The following AGBL4 variants were observed in gnomAD, a reference collection of about 807,000 sequenced individuals.
AGBL4 encodes the protein AGBL carboxypeptidase 4, also known as cytosolic carboxypeptidase 6.
A neutral mutation model predicts 66.4 loss-of-function variants in AGBL4; 58 were observed. The observed-to-expected ratio is 0.87, with a 90% CI of 0.71 to 1.09. The LOEUF (loss-of-function observed/expected upper bound fraction) is 1.09. AGBL4 is among the 50% of genes least tolerant of loss of function. The pLI, the probability that AGBL4 is intolerant of heterozygous loss-of-function variation, is 0.00. For synonymous variants in AGBL4, 234 were observed against 222.9 expected (o/e 1.05, Z -0.44); for missense variants, 579 against 631.0 (o/e 0.92, Z 0.88).
intron 1 of AGBL4, among the ~76,000 whole-genome samples, chr1:49,865,512 G>A (rs1400047346): frequency 6.6e-6 from 1 of 152,142 alleles, no homozygotes; most frequent in Non-Finnish European, 1.5e-5. Flanking sequence ...CCCTATGGGA[G>A]AGGAGCCTGA....
Position 48,579,774 on chromosome 1 carries a change from C to T in AGBL4, c.1267+7230G>A, listed in dbSNP as rs566242552. On this transcript the variant is annotated intron_variant, in intron 11 of 13. Coordinates refer to ENST00000371839, the MANE Select transcript of AGBL4 (RefSeq NM_032785.4). ...AAATACAAAAAAAAAAAAAATTAGC[C>T]GGGCACGGTGGCGGGCGCCTGTAGT... is the stretch of plus-strand genomic sequence containing the variant. 7.0e-4 allele frequency among the ~76,000 whole-genome samples: 106 copies of T among 150,460 alleles called. 1 individual carries two copies. The highest frequency in any genetic ancestry group is 2.4e-3 in the African/African-American group (99 of 41,154).
intron 4 of AGBL4, among the ~76,000 whole-genome samples, chr1:49,155,712 T>C (rs1033097129): frequency 1.5e-4 from 23 of 152,058 alleles, no homozygotes; most frequent in African/African-American, 4.6e-4. Context: ...TAAACAGATA[T>C]CTAATAACAA....
intron 11 of AGBL4, among the ~76,000 whole-genome samples, chr1:48,554,045 A>C (rs1440405918): frequency 6.6e-6 from 1 of 152,240 alleles, no homozygotes; most frequent in Admixed American, 6.5e-5. Flanking sequence ...TGCAAAACTC[A>C]GCTGAAGTCT....
At chr1:49,703,547 CA>C (rs1310938057) in intron 2 of AGBL4, among the ~76,000 whole-genome samples, 2 of 150,744 alleles carry the variant, frequency 1.3e-5, no homozygotes, top group African/African-American at 4.9e-5. Context: ...ACACTTCCAT[CA>C]AACTTCAACT....
chr1:49,054,008 G>T (rs957778255), intron 4 of AGBL4, among the ~76,000 whole-genome samples: 1 of 152,058 alleles, frequency 6.6e-6, no homozygotes, highest in African/African-American at 2.4e-5. Context: ...AAGCATAGAA[G>T]AAATATGATT....
chr1:48,787,774 T>G (rs1645443128), intron 6 of AGBL4, among the ~76,000 whole-genome samples: 1 of 152,196 alleles, frequency 6.6e-6, no homozygotes, highest in African/African-American at 2.4e-5. Flanking sequence ...GGCATTTTTT[T>G]GCTAACGTAA....
chr1:49,090,875 G>C (rs1036543848), intron 4 of AGBL4, among the ~76,000 whole-genome samples: 1 of 152,076 alleles, frequency 6.6e-6, no homozygotes, highest in Non-Finnish European at 1.5e-5. Flanking sequence ...GCATGGTACT[G>C]GTATAAAAAT....
chr1:48,752,870 CTCCTGAGTA>C (rs549726495), intron 6 of AGBL4, among the ~76,000 whole-genome samples: 330 of 152,242 alleles, frequency 2.2e-3, no homozygotes, highest in African/African-American at 7.9e-3. Context: ...CTGCCTCAGC[CTCCTGAGTA>C]GCTGGGACTA....
Position 49,516,990 on chromosome 1 carries a change from C to T in AGBL4, c.282+180323G>A, listed in dbSNP as rs181809105. Among the ~76,000 whole-genome samples, 28 of 152,050 alleles carry T rather than the reference C, an allele frequency of 1.8e-4. 1 individual carries two copies. Among genetic ancestry groups the T allele is most frequent in the Admixed American group, 2.0e-4 (3 of 15,246 alleles). Reference sequence around the variant, plus strand: ...TTAAATATAATAGGCCATACTTCAACAGATTCCGTTTACATTATTCCTATA... The same window carrying T: ...TTAAATATAATAGGCCATACTTCAATAGATTCCGTTTACATTATTCCTATA... On this transcript the variant is annotated intron_variant, in intron 3 of 13. Transcript: ENST00000371839.
rs796599089 is a variant in AGBL4, at chr1:48,736,108, TC to T, written c.635-72868del. The T allele has an allele frequency of 2.7e-5, 27 of 991,852 alleles. No homozygotes were observed. The African/African-American group carries it at 3.9e-4, about 14-fold the overall frequency. The allele number at this position is 991,852 out of a possible 1,614,324, so 61.4% of individuals were successfully genotyped here. On this transcript the variant is annotated intron_variant, in intron 6 of 13. Transcript: ENST00000371839. This position sits in a 1 kb window ranked among gnomAD's most constrained non-coding sequence, Gnocchi z 4.0. ...GGGCATTTGGGTTATCCGCTTGGTG[TC>T]CCCGGGCTCAGCCCAGGGTCTGGCA...
At chr1:50,004,983 T>C (rs1374182679) in intron 1 of AGBL4, among the ~76,000 whole-genome samples, 2 of 152,022 alleles carry the variant, frequency 1.3e-5, no homozygotes, top group African/African-American at 2.4e-5. Context: ...TCCAGGAATG[T>C]AGAGCACAAG....
chr1:49,380,052 A>C (rs2148571363), intron 3 of AGBL4, among the ~76,000 whole-genome samples: 1 of 152,284 alleles, frequency 6.6e-6, no homozygotes, highest in East Asian at 1.9e-4. Context: ...GAAAAGAGGA[A>C]GTCAAGTTGT....
intron 3 of AGBL4, among the ~76,000 whole-genome samples, chr1:49,338,249 C>T (rs886413692): frequency 3.3e-5 from 5 of 152,122 alleles, no homozygotes; most frequent in African/African-American, 1.2e-4. Context: ...ATATGGAATA[C>T]ATAACTTCTA....
At chr1:49,516,594 G>T (rs1649845366) in intron 3 of AGBL4, among the ~76,000 whole-genome samples, 1 of 151,988 alleles carries the variant, frequency 6.6e-6, no homozygotes, top group Admixed American at 6.6e-5. Flanking sequence ...GCCAAACTAA[G>T]GAGTCTGTTT....
At chr1:49,684,145 CT>C (rs1340325830) in intron 3 of AGBL4, among the ~76,000 whole-genome samples, 1 of 152,130 alleles carries the variant, frequency 6.6e-6, no homozygotes, top group African/African-American at 2.4e-5. Flanking sequence ...AAACCAATGT[CT>C]ATAAAGTTTC....
intron 2 of AGBL4, among the ~76,000 whole-genome samples, chr1:49,762,743 T>C (rs143099976): frequency 6.6e-6 from 1 of 152,296 alleles, no homozygotes; most frequent in African/African-American, 2.4e-5. Context: ...CAGTTATTTG[T>C]TTTTCATTGT....
chr1:49,700,348 T>C (rs1289551703), intron 2 of AGBL4, among the ~76,000 whole-genome samples: 1 of 150,670 alleles, frequency 6.6e-6, no homozygotes, highest in African/African-American at 2.4e-5. Flanking sequence ...GATAGACAGA[T>C]AGATCTTTAA....
intron 1 of AGBL4, among the ~76,000 whole-genome samples, chr1:49,967,519 G>A (rs973657088): frequency 6.6e-6 from 1 of 152,020 alleles, no homozygotes; most frequent in East Asian, 1.9e-4. Context: ...GTCAGGAGGT[G>A]GGGGGCTAGG....
intron 4 of AGBL4, among the ~76,000 whole-genome samples, chr1:49,071,121 G>T (rs2147935197): frequency 6.6e-6 from 1 of 151,918 alleles, no homozygotes; most frequent in South Asian, 2.1e-4. Flanking sequence ...GCATCTATTT[G>T]ATTATTCTCT....
Sources: gnomAD v4.1 joint callset for allele counts (sites outside exome capture counted in the v4.1 genomes callset) on GRCh38, gnomAD v4.1.1 for gene constraint, Gnocchi (gnomAD v3.1) non-coding constraint, MANE v1.5 for transcripts, NCBI Gene and HGNC (gene_info 2026-07-23, HGNC 2026-07-21) for gene names.